Variants in YEATS2 observed in about 807,000 individuals in gnomAD.
YEATS2 encodes YEATS domain containing 2, also known as YEATS domain-containing protein 2.
YEATS2 carries 77 observed loss-of-function variants against 163.2 expected under a neutral mutation model. That is an observed-to-expected ratio of 0.47 (90% CI 0.39 to 0.57). YEATS2 has a LOEUF of 0.57. YEATS2 is among the 20% of genes least tolerant of loss of function. The pLI, the probability that YEATS2 is intolerant of heterozygous loss-of-function variation, is 0.00. For synonymous variants in YEATS2, 631 were observed against 645.1 expected (o/e 0.98, Z 0.33); for missense variants, 1,549 against 1,729.8 (o/e 0.90, Z 1.85).
rs142059973 is a variant in YEATS2, at chr3:183,799,408, G to A, written c.3325+419G>A. Among the ~76,000 whole-genome samples the A allele has an allele frequency of 1.0e-2, 1,523 of 152,322 alleles. 11 individuals are homozygous for A. The highest frequency in any genetic ancestry group is 0.015 in the Non-Finnish European group (1,015 of 68,030). On this transcript the variant is annotated intron_variant, in intron 23 of 30. Coordinates refer to ENST00000305135, the MANE Select transcript of YEATS2 (RefSeq NM_018023.5). ...GGATTATAACCTGGACTTTAAAAGA[G>A]TAGAGGTTTTTTAGCTGTGGGGAGT...
In YEATS2 at chr3:183,752,265, GT is replaced by G. The variant is rs1720252610; in HGVS notation, c.1150+16del. 1.2e-6 allele frequency: 2 copies of G among 1,613,912 alleles called. No homozygotes were observed. The highest frequency in any genetic ancestry group is 3.3e-5 in the Admixed American group (2 of 59,978). On this transcript the variant is annotated intron_variant, in intron 10 of 30. Coordinates refer to ENST00000305135, the MANE Select transcript of YEATS2 (RefSeq NM_018023.5). ...CTCTGTGGAGAAAGGTAATACAGCA[GT>G]TTTCCTTGCATAGCGTTGTTCTGAG...
At chr3:183,712,225 T>TTATTTTATTTTATTTTATTTTA (rs1553856426) in intron 1 of YEATS2, among the ~76,000 whole-genome samples, 12 of 150,186 alleles carry the variant, frequency 8.0e-5, no homozygotes, top group East Asian at 7.8e-4. Flanking sequence ...TTATTTTATT[T>TTATTTTATTTTATTTTATTTTA]TTTGAGACAG....
At chr3:183,733,537 A>G (rs977490977) in intron 7 of YEATS2, among the ~76,000 whole-genome samples, 3 of 152,238 alleles carry the variant, frequency 2.0e-5, no homozygotes, top group Non-Finnish European at 2.9e-5. Flanking sequence ...CTATTAACGT[A>G]TGTCCTAGGT....
chr3:183,730,010 T>G (rs1299476853), intron 7 of YEATS2, among the ~76,000 whole-genome samples: 1 of 148,748 alleles, frequency 6.7e-6, no homozygotes, highest in African/African-American at 2.5e-5. Flanking sequence ...CATCTTTATA[T>G]GATGTTACAC....
chr3:183,787,616 A>T (rs182321902), intron 20 of YEATS2, among the ~76,000 whole-genome samples: 1 of 151,978 alleles, frequency 6.6e-6, no homozygotes, highest in African/African-American at 2.4e-5. Context: ...ATTTGCAAAA[A>T]TTTTCTTGCA....
chr3:183,707,678 A>ATTTTTTTTTTTTTTTTTTTTT (rs1176429941), intron 1 of YEATS2, among the ~76,000 whole-genome samples: 1 of 106,158 alleles, frequency 9.4e-6, no homozygotes, highest in Non-Finnish European at 1.9e-5. Flanking sequence ...TTCCCCACCT[A>ATTTTTTTTTTTTTTTTTTTTT]TTTTTTTTTT....
chr3:183,733,698 T>TA (rs1294299530), intron 7 of YEATS2, among the ~76,000 whole-genome samples: 1 of 152,214 alleles, frequency 6.6e-6, no homozygotes, highest in Non-Finnish European at 1.5e-5. Flanking sequence ...ATGTTTTTCT[T>TA]ACACACCCTG....
chr3:183,774,200 T>G (rs1025686646), intron 17 of YEATS2, among the ~76,000 whole-genome samples: 6 of 152,194 alleles, frequency 3.9e-5, no homozygotes, highest in African/African-American at 1.4e-4. Context: ...TTCATTTAGA[T>G]CAGGGGTCCC....
chr3:183,745,936 A>G (rs1043744485), intron 8 of YEATS2, among the ~76,000 whole-genome samples: 9 of 152,216 alleles, frequency 5.9e-5, no homozygotes, highest in African/African-American at 1.7e-4. Context: ...GATTCAAGCA[A>G]TCCTCCCGCA....
At chr3:183,807,116 T>TG (rs768988763) in intron 28 of YEATS2, 24 bp downstream of exon 28, 29 of 1,596,214 alleles carry the variant, frequency 1.8e-5, no homozygotes, top group Non-Finnish European at 2.0e-5. Context: ...TGTTAATAGT[T>TG]CATGCAGCAG....
intron 2 of YEATS2, among the ~76,000 whole-genome samples, chr3:183,716,037 G>A (rs975510168): frequency 1.3e-5 from 2 of 151,974 alleles, no homozygotes; most frequent in South Asian, 4.2e-4. Flanking sequence ...TCGGCTCACT[G>A]CAAGCTCTGC....
intron 20 of YEATS2, among the ~76,000 whole-genome samples, chr3:183,788,750 T>G (rs1724312475): frequency 6.6e-6 from 1 of 152,226 alleles, no homozygotes; most frequent in Non-Finnish European, 1.5e-5. Context: ...TGTACTAACT[T>G]AGATTCCCAC....
intron 4 of YEATS2, among the ~76,000 whole-genome samples, chr3:183,720,115 C>T (rs1017250532): frequency 6.6e-6 from 1 of 152,102 alleles, no homozygotes; most frequent in Non-Finnish European, 1.5e-5. Flanking sequence ...ACTTGATATT[C>T]TAGCATATCA....
chr3:183,791,092 A>C (rs1724589190), intron 21 of YEATS2, 112 bp downstream of exon 21: 4 of 1,400,836 alleles, frequency 2.9e-6, no homozygotes, highest in Non-Finnish European at 2.9e-6. Flanking sequence ...AGAGTGCAAT[A>C]TCACAATCTC....
At chr3:183,786,405 C>A in intron 20 of YEATS2, 104 bp downstream of exon 20, 9 of 1,105,642 alleles carry the variant, frequency 8.1e-6, no homozygotes, top group Non-Finnish European at 8.7e-6. Context: ...TAAAAATACT[C>A]AACTATTGCT....
chr3:183,784,887 A>C (rs1371344686), intron 19 of YEATS2, among the ~76,000 whole-genome samples: 3 of 151,882 alleles, frequency 2.0e-5, no homozygotes, highest in African/African-American at 7.3e-5. Context: ...CAGCCTGGCC[A>C]ACATGGAGAA....
At chr3:183,717,958 C>G (rs1577050141) in intron 3 of YEATS2, among the ~76,000 whole-genome samples, 1 of 150,354 alleles carries the variant, frequency 6.7e-6, no homozygotes, top group Admixed American at 6.7e-5. Flanking sequence ...GAAATATTAC[C>G]TGGAATTCCA....
intron 9 of YEATS2, among the ~76,000 whole-genome samples, chr3:183,751,834 A>AT (rs1483616545): frequency 6.6e-6 from 1 of 152,208 alleles, no homozygotes; most frequent in African/African-American, 2.4e-5. Context: ...AATTTTGTGA[A>AT]TAATTTCACT....
At chr3:183,807,885 C>T (rs1269142757) in intron 28 of YEATS2, 145 bp from the exon 29 acceptor site, 3 of 598,912 alleles carry the variant, frequency 5.0e-6, no homozygotes, top group Non-Finnish European at 9.1e-6. Flanking sequence ...TTCCGTGTTC[C>T]TTTCCCGTGA....
Sources: gnomAD v4.1 joint callset for allele counts (sites outside exome capture counted in the v4.1 genomes callset) on GRCh38, gnomAD v4.1.1 for gene constraint, MANE v1.5 for transcripts, NCBI Gene and HGNC (gene_info 2026-07-23, HGNC 2026-07-21) for gene names.